Variants in DHRS7B observed in about 807,000 individuals in gnomAD.
The protein encoded by DHRS7B is peroxisomal reductase activating PPAR-gamma.
Under a neutral mutation model 26.4 loss-of-function variants are expected in DHRS7B, and 24 were observed. The ratio of observed to expected loss-of-function variants is 0.91; its 90% CI spans 0.66 to 1.28. The LOEUF (loss-of-function observed/expected upper bound fraction) is 1.28, where lower values mean the gene tolerates loss of function less well. DHRS7B is among the 50% of genes most tolerant of loss of function. The pLI is 0.00. For synonymous variants in DHRS7B, 142 were observed against 166.4 expected, an observed-to-expected ratio of 0.85 and a Z score of 1.13; for missense variants, 368 against 419.4, an observed-to-expected ratio of 0.88 and a Z score of 1.07.
Position 21,178,254 on chromosome 17 carries a change from C to T in DHRS7B, c.221C>T (p.Ala74Val). The T allele has an allele frequency of 6.2e-7, 1 of 1,614,268 alleles. No individual in the cohort carries two copies. The change falls in exon 3 of 7, where the codon GCT becomes GTT. Residue 74 changes from alanine (A) to valine (V), a missense_variant. Physicochemically the swap from Ala to Val is moderately conservative, Grantham distance 64. Coordinates refer to ENST00000395511, the MANE Select transcript of DHRS7B (RefSeq NM_015510.5). ...LGKECAKVFY[A>V]AGAKLVLCGR... ...TTAGAATGTGCAAAAGTCTTCTATG[C>T]TGCGGGTGCTAAACTGGTGCTCTGT...
intron 1 of DHRS7B, among the ~76,000 whole-genome samples, chr17:21,155,603 A>G (rs767846400): frequency 6.6e-6 from 1 of 152,252 alleles, no homozygotes; most frequent in Non-Finnish European, 1.5e-5. Context: ...AACATAGTTC[A>G]ACTCAACAGC....
chr17:21,138,101 T>TATATATATATATACACACACACAC (rs1555536219), intron 1 of DHRS7B, among the ~76,000 whole-genome samples: 1 of 86,146 alleles, frequency 1.2e-5, no homozygotes, highest in African/African-American at 5.6e-5. Context: ...TATATATATA[T>TATATATATATATACACACACACAC]ACACACACAC....
chr17:21,135,146 A>G (rs1973314996), intron 1 of DHRS7B, among the ~76,000 whole-genome samples: 2 of 152,316 alleles, frequency 1.3e-5, no homozygotes, highest in South Asian at 4.1e-4. Context: ...TACCTCTGTG[A>G]CACACAATAA....
At chr17:21,154,814 G>C (rs774641485) in intron 1 of DHRS7B, among the ~76,000 whole-genome samples, 3 of 152,160 alleles carry the variant, frequency 2.0e-5, no homozygotes, top group Non-Finnish European at 4.4e-5. Context: ...GACAGCAACA[G>C]TGTAAGGGAA....
chr17:21,130,627 AAGGAG>A (rs1244567384), intron 1 of DHRS7B, among the ~76,000 whole-genome samples: 1 of 152,178 alleles, frequency 6.6e-6, no homozygotes, highest in Admixed American at 6.5e-5. Flanking sequence ...GAGGAAAAGG[AAGGAG>A]AGAAGATCTC....
chr17:21,136,135 C>T (rs1316139057), intron 1 of DHRS7B, among the ~76,000 whole-genome samples: 1 of 151,974 alleles, frequency 6.6e-6, no homozygotes, highest in African/African-American at 2.4e-5. Flanking sequence ...CCCGTCTCTA[C>T]TAATAATACC....
chr17:21,157,479 G>A (rs956858618), intron 1 of DHRS7B, among the ~76,000 whole-genome samples: 3 of 152,080 alleles, frequency 2.0e-5, no homozygotes, highest in Non-Finnish European at 2.9e-5. Flanking sequence ...AGAGAATTGC[G>A]TGAGGCCAGG....
At chr17:21,142,167 A>G (rs1973530667) in intron 1 of DHRS7B, among the ~76,000 whole-genome samples, 2 of 152,056 alleles carry the variant, frequency 1.3e-5, no homozygotes, top group East Asian at 1.9e-4. Flanking sequence ...AGGACTCACA[A>G]CTCTAAGGGG....
chr17:21,155,906 A>T (rs1973868645), intron 1 of DHRS7B, among the ~76,000 whole-genome samples: 1 of 152,242 alleles, frequency 6.6e-6, no homozygotes, highest in Admixed American at 6.5e-5. Context: ...AACTGAAAAT[A>T]TTTTGAAGTA....
intron 3 of DHRS7B, among the ~76,000 whole-genome samples, chr17:21,181,252 A>AT (rs1471353079): frequency 1.3e-5 from 2 of 151,878 alleles, no homozygotes; most frequent in Non-Finnish European, 2.9e-5. Context: ...TATTGGGTTA[A>AT]TTTTTTCATT....
At chr17:21,159,862 CA>C (rs59176427) in intron 1 of DHRS7B, among the ~76,000 whole-genome samples, 2,993 of 62,164 alleles carry the variant, frequency 0.048, 63 homozygotes, top group African/African-American at 0.15. Flanking sequence ...GACCCTGTCT[CA>C]AAAAAAAAAA....
rs143494810 is a variant in DHRS7B at position 21,138,145 on chromosome 17, G to A, written c.20+11154G>A. ...ACACACACACACATATATTTATTGC[G>A]ACTTATACTGACCATTCGTGACATG... On this transcript the variant is annotated intron_variant, in intron 1 of 6. Coordinates refer to ENST00000395511, the MANE Select transcript of DHRS7B (RefSeq NM_015510.5). Among the ~76,000 whole-genome samples, 703 of 98,222 alleles carry A rather than the reference G, an allele frequency of 7.2e-3. 18 individuals carry two copies. The highest frequency in any genetic ancestry group is 0.027 in the African/African-American group (656 of 24,732). The allele number at this position is 98,222 out of a possible 152,430, so 64.4% of individuals were successfully genotyped here.
At chr17:21,135,301 C>T (rs1973317913) in intron 1 of DHRS7B, among the ~76,000 whole-genome samples, 2 of 152,192 alleles carry the variant, frequency 1.3e-5, no homozygotes, top group Admixed American at 1.3e-4. Flanking sequence ...ACAATGCCTC[C>T]TGTATAATTT....
chr17:21,172,226 G>C, intron 2 of DHRS7B, 30 bp downstream of exon 2: 1 of 1,587,640 alleles, frequency 6.3e-7, no homozygotes, highest in Non-Finnish European at 8.6e-7. Flanking sequence ...CTGCCAGGGG[G>C]CGGGGGTAAG....
At chr17:21,184,233 C>G (rs1431618630) in intron 4 of DHRS7B, 138 bp from the exon 5 acceptor site, 1 of 723,906 alleles carries the variant, frequency 1.4e-6, no homozygotes, top group East Asian at 2.7e-5. Context: ...GAAGTTCCAA[C>G]ATAGTCCTCT....
chr17:21,154,932 G>A (rs1973846870), intron 1 of DHRS7B, among the ~76,000 whole-genome samples: 1 of 152,068 alleles, frequency 6.6e-6, no homozygotes, highest in African/African-American at 2.4e-5. Flanking sequence ...AATGTATACT[G>A]TAAACTCTAG....
chr17:21,143,396 C>T (rs1199360015), intron 1 of DHRS7B, among the ~76,000 whole-genome samples: 1 of 152,192 alleles, frequency 6.6e-6, no homozygotes, highest in African/African-American at 2.4e-5. Flanking sequence ...ATTTGGACAT[C>T]TGTGTAATAT....
At chr17:21,138,032 C>A (rs1973387520) in intron 1 of DHRS7B, among the ~76,000 whole-genome samples, 1 of 143,290 alleles carries the variant, frequency 7.0e-6, no homozygotes, top group Admixed American at 7.2e-5. Context: ...ACAGGCCTCC[C>A]ATAGTTCTGG....
At chr17:21,160,953 C>A (rs1973986689) in intron 1 of DHRS7B, among the ~76,000 whole-genome samples, 1 of 152,104 alleles carries the variant, frequency 6.6e-6, no homozygotes, top group Admixed American at 6.5e-5. Flanking sequence ...TGAAAGTAGT[C>A]AATCCGGAAA....
Sources: gnomAD v4.1 joint callset for allele counts (sites outside exome capture counted in the v4.1 genomes callset) on GRCh38, gnomAD v4.1.1 for gene constraint, MANE v1.5 for transcripts, NCBI Gene and HGNC (gene_info 2026-07-23, HGNC 2026-07-21) for gene names.